Variants in LRRK2 observed in about 807,000 individuals in gnomAD.
LRRK2 encodes the protein leucine-rich repeat serine/threonine-protein kinase 2.
In LRRK2, 203 loss-of-function variants were observed where a neutral mutation model predicts 302.6. The ratio of observed to expected loss-of-function variants is 0.67; its 90% CI spans 0.60 to 0.75. The LOEUF (loss-of-function observed/expected upper bound fraction) is 0.75. Ranked by LOEUF, LRRK2 falls within the 30% of genes least tolerant of loss-of-function variation. The pLI, the probability that LRRK2 is intolerant of heterozygous loss-of-function variation, is 0.00. For synonymous variants in LRRK2, 1,066 were observed against 1,031.9 expected, an observed-to-expected ratio of 1.03 and a Z score of -0.63; for missense variants, 2,830 against 2,951.0, an observed-to-expected ratio of 0.96 and a Z score of 0.95.
intron 46 of LRRK2, among the ~76,000 whole-genome samples, chr12:40,356,939 T>C (rs1468893658): frequency 6.6e-6 from 1 of 152,236 alleles, no homozygotes; most frequent in East Asian, 1.9e-4. Context: ...TATTTCTCTG[T>C]GCTGAGAACA....
rs536434473 is a variant in LRRK2, at chr12:40,266,888, C to CA, written c.1656+2993dup. ...GGTACTCAGCAAAGTATGCCAAGGA[C>CA]AAAAAACCAAACACCATATGTTCTC... is the stretch of plus-strand genomic sequence containing the variant. On this transcript the variant is annotated intron_variant, in intron 14 of 50. Coordinates refer to ENST00000298910, the MANE Select transcript of LRRK2 (RefSeq NM_198578.4). 6.0e-3 allele frequency among the ~76,000 whole-genome samples: 890 copies of CA among 148,250 alleles called. 4 individuals are homozygous for CA. The highest frequency in any genetic ancestry group is 9.5e-3 in the Non-Finnish European group (645 of 67,636).
intron 7 of LRRK2, 71 bp from the exon 8 acceptor site, chr12:40,249,755 T>C: frequency 6.6e-7 from 1 of 1,507,860 alleles, no homozygotes; most frequent in Non-Finnish European, 9.2e-7. Context: ...TTGATGTAAA[T>C]AGTGTTATAT....
intron 2 of LRRK2, among the ~76,000 whole-genome samples, chr12:40,228,708 C>T (rs1565662450): frequency 6.6e-6 from 1 of 152,078 alleles, no homozygotes; most frequent in Non-Finnish European, 1.5e-5. Flanking sequence ...CCAGTGTTTT[C>T]TTCTAGTAGT....
In LRRK2 at chr12:40,321,061, G is replaced by A. The variant is rs1945386347; in HGVS notation, c.5043G>A (p.Glu1681=). The change falls in exon 35 of 51, where the codon GAG becomes GAA. Residue 1681 remains glutamate, a synonymous_variant. Coordinates refer to ENST00000298910, the MANE Select transcript of LRRK2 (RefSeq NM_198578.4). The stretch of plus-strand genomic sequence containing the variant: ...TGTCTGACCACAGGCCTGTGATAGA[G>A]CTTCCCCATTGTGAGAACTCTGAAA... The part of the protein sequence containing the change: ...SSLSDHRPVI[E]LPHCENSEII... The A allele has an allele frequency of 1.9e-6, 3 of 1,612,704 alleles. No individual in the cohort carries two copies. Among genetic ancestry groups the A allele is most frequent in the South Asian group, 1.1e-5 (1 of 91,064 alleles).
chr12:40,312,380 CTCTT>C (rs1423392037), intron 31 of LRRK2, among the ~76,000 whole-genome samples: 1 of 152,138 alleles, frequency 6.6e-6, no homozygotes, highest in Non-Finnish European at 1.5e-5. Flanking sequence ...AGAAGAATGA[CTCTT>C]TCAGATGACC....
intron 10 of LRRK2, among the ~76,000 whole-genome samples, chr12:40,251,813 A>G (rs1942287427): frequency 6.6e-6 from 1 of 152,088 alleles, no homozygotes; most frequent in South Asian, 2.1e-4. Flanking sequence ...GAATCTTTCT[A>G]TTTTCTGGCT....
At chr12:40,358,553 A>T (rs996170422) in intron 46 of LRRK2, among the ~76,000 whole-genome samples, 1 of 152,004 alleles carries the variant, frequency 6.6e-6, no homozygotes, top group Non-Finnish European at 1.5e-5. Flanking sequence ...ATGTGGGTTT[A>T]TTTCTGGGTC....
chr12:40,353,378 C>T (rs1436372196), intron 44 of LRRK2, among the ~76,000 whole-genome samples: 1 of 151,220 alleles, frequency 6.6e-6, no homozygotes, highest in Non-Finnish European at 1.5e-5. Flanking sequence ...TCCTCACATC[C>T]CAGACGGGGC....
At chr12:40,293,043 A>G (rs12369882) in intron 20 of LRRK2, among the ~76,000 whole-genome samples, 61,679 of 151,794 alleles carry the variant, frequency 0.41, 13,050 homozygotes, top group South Asian at 0.54. Context: ...AAAAATTTAT[A>G]AGAAAAATTC....
In LRRK2 at chr12:40,351,816, G is replaced by A; in HGVS notation, c.6576+83G>A. 8.5e-6 allele frequency: 11 copies of A among 1,296,860 alleles called. No homozygotes were observed. The Admixed American group carries it at 1.6e-4, about 19-fold the overall frequency. The allele number at this position is 1,296,860 out of a possible 1,614,324, so 80.3% of individuals were successfully genotyped here. The stretch of plus-strand genomic sequence containing the variant: ...TTACTTAGGAATAAATTAAATAAGA[G>A]CCAATGTAGGATTATTATTCAATTA... On this transcript the variant is annotated intron_variant, in intron 44 of 50. Transcript: ENST00000298910.
intron 20 of LRRK2, among the ~76,000 whole-genome samples, chr12:40,292,863 A>T (rs1370704740): frequency 2.6e-5 from 4 of 151,980 alleles, no homozygotes. Context: ...TTTTGAAAGT[A>T]CTGCCTTTTC....
rs201012950 is a variant in LRRK2 at position 40,335,079 on chromosome 12, G to A, written c.5870G>A (p.Arg1957His). The A allele has an allele frequency of 3.3e-5, 54 of 1,613,924 alleles. No homozygotes were observed. The highest frequency in any genetic ancestry group is 4.2e-5 in the Non-Finnish European group (50 of 1,179,986). The change falls in exon 40 of 51, where the codon CGC becomes CAC. Residue 1957 changes from arginine (R) to histidine (H), a missense_variant. Coordinates refer to ENST00000298910, the MANE Select transcript of LRRK2 (RefSeq NM_198578.4). ...MELASKGSLDRLLQQDKASLT... is the reference protein window; with the variant it reads ...MELASKGSLDHLLQQDKASLT... Reference sequence around the variant, plus strand: ...TTAGCCTCCAAGGGTTCCTTGGATCGCCTGCTTCAGCAGGACAAAGCCAGC... The same window carrying A: ...TTAGCCTCCAAGGGTTCCTTGGATCACCTGCTTCAGCAGGACAAAGCCAGC...
At chr12:40,232,808 G>A (rs975426990) in intron 3 of LRRK2, 1 of 160,580 alleles carries the variant, frequency 6.2e-6, no homozygotes, top group African/African-American at 2.4e-5. Flanking sequence ...TCTTTAAATA[G>A]TACATTTATA....
At chr12:40,292,974 A>G (rs1382324614) in intron 20 of LRRK2, among the ~76,000 whole-genome samples, 1 of 152,104 alleles carries the variant, frequency 6.6e-6, no homozygotes, top group African/African-American at 2.4e-5. Flanking sequence ...ATAGAAATTT[A>G]TTAAAAATTG....
Position 40,309,437 on chromosome 12 carries a change from T to C in LRRK2, c.4317+204T>C, listed in dbSNP as rs558630301. Among the ~76,000 whole-genome samples the C allele has an allele frequency of 9.2e-5, 14 of 152,254 alleles. No homozygotes were observed. The South Asian group carries it at 2.9e-3, about 32-fold the overall frequency. On this transcript the variant is annotated intron_variant, in intron 30 of 50. Transcript: ENST00000298910. Reference sequence around the variant, plus strand: ...ATGAAAATTGTATGTTCCATGTTGGTGAATGTTATTGGTAACCTGAAACTC... The same window carrying C: ...ATGAAAATTGTATGTTCCATGTTGGCGAATGTTATTGGTAACCTGAAACTC...
At position 40,366,954 on chromosome 12, in the gene LRRK2, CAGTTTAATATAT is replaced by C. The variant is rs1320793329; in HGVS notation, c.7391-46_7391-35del. ...GAACAACTTTACTTTTTTTTCAGGC[CAGTTTAATATAT>C]AGTTTTAACAGAAAACTTACATATT... is the stretch of plus-strand genomic sequence containing the variant. On this transcript the variant is annotated intron_variant, in intron 49 of 50. Transcript: ENST00000298910. 5.1e-6 allele frequency: 7 copies of C among 1,365,602 alleles called. No individual in the cohort carries two copies. The East Asian group carries it at 1.6e-4, about 32-fold the overall frequency. 84.6% of individuals were successfully genotyped at this position (1,365,602 alleles called of 1,614,324 possible).
chr12:40,313,773 A>G (rs1945111521), intron 31 of LRRK2, among the ~76,000 whole-genome samples, 199 bp from the exon 32 acceptor site: 1 of 152,030 alleles, frequency 6.6e-6, no homozygotes, highest in Admixed American at 6.6e-5. Context: ...CTCTGAATCA[A>G]CAATTTTCCT....
At chr12:40,352,602 C>T (rs1481582837) in intron 44 of LRRK2, among the ~76,000 whole-genome samples, 1 of 150,366 alleles carries the variant, frequency 6.7e-6, no homozygotes, top group African/African-American at 2.5e-5. Flanking sequence ...GGCAGAGGAC[C>T]CTGCGGCCTT....
chr12:40,300,478 C>A (rs1285435224), intron 25 of LRRK2, among the ~76,000 whole-genome samples: 1 of 152,134 alleles, frequency 6.6e-6, no homozygotes, highest in Non-Finnish European at 1.5e-5. Context: ...ATTTTTAATT[C>A]TATTTAATAG....
Sources: gnomAD v4.1 joint callset for allele counts (sites outside exome capture counted in the v4.1 genomes callset) on GRCh38, gnomAD v4.1.1 for gene constraint, MANE v1.5 for transcripts, NCBI Gene and HGNC (gene_info 2026-07-23, HGNC 2026-07-21) for gene names.